Variants in CNTN3 observed in about 807,000 individuals in gnomAD.
The protein encoded by CNTN3 is contactin 3.
CNTN3 carries 60 observed loss-of-function variants against 119.1 expected under a neutral mutation model. The ratio of observed to expected loss-of-function variants is 0.50; its 90% CI spans 0.41 to 0.62. CNTN3 has a LOEUF of 0.62. Among genes scored for constraint, CNTN3 ranks in the 20% least tolerant of loss-of-function variants. The probability of loss-of-function intolerance (pLI) is 0.00; values close to 1 mark genes in which losing one functional copy is unlikely to be tolerated. For synonymous variants in CNTN3, 450 were observed against 438.7 expected (o/e 1.03, Z -0.32); for missense variants, 1,101 against 1,242.4 (o/e 0.89, Z 1.71).
At chr3:74,379,895 A>C (rs1391999410) in intron 5 of CNTN3, among the ~76,000 whole-genome samples, 1 of 152,194 alleles carries the variant, frequency 6.6e-6, no homozygotes, top group African/African-American at 2.4e-5. Flanking sequence ...AAGGAGTTTA[A>C]ATTTTCACAG....
At chr3:74,448,427 T>C (rs969334416) in intron 4 of CNTN3, among the ~76,000 whole-genome samples, 1 of 152,180 alleles carries the variant, frequency 6.6e-6, no homozygotes, top group African/African-American at 2.4e-5. Context: ...TTCATCCTTA[T>C]TCTCCAAAAT....
chr3:74,377,554 T>C (rs150171513), intron 5 of CNTN3, among the ~76,000 whole-genome samples: 3 of 152,222 alleles, frequency 2.0e-5, no homozygotes, highest in Admixed American at 1.3e-4. Context: ...TAATTTGATA[T>C]ACTCAAACAA....
At chr3:74,580,998 A>C (rs1704496086) in intron 1 of CNTN3, among the ~76,000 whole-genome samples, 1 of 152,234 alleles carries the variant, frequency 6.6e-6, no homozygotes, top group Non-Finnish European at 1.5e-5. Flanking sequence ...CTGGGATTAC[A>C]GGCGTGAGCC....
chr3:74,418,630 C>T (rs529335751), intron 5 of CNTN3, among the ~76,000 whole-genome samples: 8 of 151,988 alleles, frequency 5.3e-5, no homozygotes, highest in East Asian at 3.9e-4. Flanking sequence ...CATGAGCCAC[C>T]GTGCCCAGCT....
chr3:74,371,906 T>G (rs2106792953), intron 5 of CNTN3, among the ~76,000 whole-genome samples: 1 of 152,214 alleles, frequency 6.6e-6, no homozygotes, highest in African/African-American at 2.4e-5. Context: ...CACGTGCTGC[T>G]TCTGGGGCCT....
At chr3:74,279,891 G>A (rs1056530513) in intron 20 of CNTN3, among the ~76,000 whole-genome samples, 2 of 152,192 alleles carry the variant, frequency 1.3e-5, no homozygotes, top group Admixed American at 1.3e-4. Flanking sequence ...TTTGGGGTGA[G>A]GGGGATAAGT....
chr3:74,566,982 A>C (rs1575834338), intron 1 of CNTN3, among the ~76,000 whole-genome samples: 2 of 152,060 alleles, frequency 1.3e-5, no homozygotes, highest in Admixed American at 6.6e-5. Flanking sequence ...ATTTCAGGAG[A>C]TATGGCCAGA....
At chr3:74,540,377 T>C (rs1320420503) in intron 1 of CNTN3, among the ~76,000 whole-genome samples, 1 of 152,158 alleles carries the variant, frequency 6.6e-6, no homozygotes, top group Non-Finnish European at 1.5e-5. Context: ...AACATTGATT[T>C]GGTTATAAAC....
rs150522059 is a variant in CNTN3, at chr3:74,374,923, C to G, written c.455-3524G>C. ...GGACTTACATTCTTGAACAACCATT[C>G]AATGCAAAATTTCAGTGATCCATAT... On this transcript the variant is annotated intron_variant, in intron 5 of 22. Coordinates refer to ENST00000263665, the MANE Select transcript of CNTN3 (RefSeq NM_020872.3). Among the ~76,000 whole-genome samples the G allele has an allele frequency of 6.8e-3, 1,035 of 152,208 alleles. 17 individuals are homozygous for G. Among genetic ancestry groups the G allele is most frequent in the Non-Finnish European group, 5.7e-3 (387 of 68,020 alleles).
chr3:74,443,544 C>G (rs1381912718), intron 4 of CNTN3, among the ~76,000 whole-genome samples: 3 of 152,106 alleles, frequency 2.0e-5, no homozygotes, highest in Admixed American at 6.6e-5. Context: ...TTAGAATGAT[C>G]TGAGTCCCAT....
intron 1 of CNTN3, among the ~76,000 whole-genome samples, chr3:74,579,107 G>A (rs1359962803): frequency 6.6e-6 from 1 of 151,642 alleles, no homozygotes; most frequent in Non-Finnish European, 1.5e-5. Flanking sequence ...CTAGTATTTC[G>A]TGCCAATATC....
chr3:74,422,094 C>A (rs530401684), intron 5 of CNTN3, among the ~76,000 whole-genome samples: 1 of 152,188 alleles, frequency 6.6e-6, no homozygotes, highest in African/African-American at 2.4e-5. Context: ...CTGTTTGTTA[C>A]AAACCAGCCT....
chr3:74,611,973 A>C (rs1441591646), intron 1 of CNTN3, among the ~76,000 whole-genome samples: 2 of 152,202 alleles, frequency 1.3e-5, no homozygotes, highest in African/African-American at 4.8e-5. Context: ...ACAACTTACT[A>C]ACTGGTGATT....
intron 2 of CNTN3, among the ~76,000 whole-genome samples, chr3:74,506,032 C>T (rs757461363): frequency 6.6e-6 from 1 of 152,058 alleles, no homozygotes; most frequent in African/African-American, 2.4e-5. Flanking sequence ...TAATACTGCT[C>T]GCAGGAATGG....
chr3:74,465,824 AAGG>A (rs2106986786), intron 4 of CNTN3, among the ~76,000 whole-genome samples: 1 of 152,238 alleles, frequency 6.6e-6, no homozygotes, highest in Admixed American at 6.5e-5. Context: ...CTGAACCCTG[AAGG>A]AGAAGCAAGT....
intron 15 of CNTN3, 32 bp from the exon 16 acceptor site, chr3:74,301,579 G>A (rs1435181921): frequency 6.2e-7 from 1 of 1,612,390 alleles, no homozygotes; most frequent in East Asian, 2.2e-5. Flanking sequence ...GTAAGAGTCT[G>A]CCTGCTTTAG....
chr3:74,401,724 G>C (rs1705199702), intron 5 of CNTN3, among the ~76,000 whole-genome samples: 1 of 152,142 alleles, frequency 6.6e-6, no homozygotes, highest in African/African-American at 2.4e-5. Flanking sequence ...GCCAGAGAAA[G>C]CTAAAGGGAG....
At chr3:74,384,068 T>C (rs985586093) in intron 5 of CNTN3, among the ~76,000 whole-genome samples, 1 of 152,206 alleles carries the variant, frequency 6.6e-6, no homozygotes, top group Non-Finnish European at 1.5e-5. Flanking sequence ...TTTAATATAA[T>C]CTAAATATGA....
rs1703137687 is a variant in CNTN3 at position 74,326,660 on chromosome 3, A to C, written c.1668+8075T>G. 2.0e-5 allele frequency among the ~76,000 whole-genome samples: 3 copies of C among 152,114 alleles called. No homozygotes were observed. The South Asian group carries it at 6.2e-4, about 31-fold the overall frequency. On this transcript the variant is annotated intron_variant, in intron 13 of 22. Coordinates refer to ENST00000263665, the MANE Select transcript of CNTN3 (RefSeq NM_020872.3). ...GACTGAAGTCATTAATTAAAAAAAA[A>C]TTTAGAGTTGATACTATTGGGTTTT... is the stretch of plus-strand genomic sequence containing the variant.
Sources: allele counts gnomAD v4.1 joint callset (sites outside exome capture counted in the v4.1 genomes callset), GRCh38; gene constraint gnomAD v4.1.1; transcripts MANE v1.5; gene names NCBI Gene and HGNC (gene_info 2026-07-23, HGNC 2026-07-21).